Variants in CADPS2 observed in about 807,000 individuals in gnomAD.
CADPS2 encodes the protein calcium dependent secretion activator 2.
CADPS2 carries 93 observed loss-of-function variants against 172.5 expected under a neutral mutation model. The ratio of observed to expected loss-of-function variants is 0.54; its 90% confidence interval spans 0.46 to 0.64. The LOEUF is 0.64. Ranked by LOEUF, CADPS2 falls within the 30% of genes least tolerant of loss-of-function variation. The pLI is 0.00. For missense variants in CADPS2, 1,420 were observed against 1,565.9 expected (o/e 0.91, Z 1.57); for synonymous variants, 546 against 555.2 (o/e 0.98, Z 0.23).
At chr7:122,429,890 T>G (rs2049656535) in intron 17 of CADPS2, among the ~76,000 whole-genome samples, 1 of 152,178 alleles carries the variant, frequency 6.6e-6, no homozygotes, top group African/African-American at 2.4e-5. Context: ...GTTTTTTTTT[T>G]TAATAAACAC....
chr7:122,446,641 T>C (rs1324608536), intron 15 of CADPS2, among the ~76,000 whole-genome samples: 1 of 152,204 alleles, frequency 6.6e-6, no homozygotes, highest in African/African-American at 2.4e-5. Flanking sequence ...CTCACATATA[T>C]GAAATGATCA....
rs547066196 is a variant in CADPS2 at position 122,843,482 on chromosome 7, A to G, written c.339+42517T>C. 1.1e-4 allele frequency among the ~76,000 whole-genome samples: 17 copies of G among 152,314 alleles called. No individual in the cohort carries two copies. In the East Asian group the frequency reaches 2.9e-3, roughly 26 times the overall value. ...CTTTTGGCATGAGGGGATATTTGAA[A>G]CAAATAGTGAGATCACAACTTAAGA... On this transcript the variant is annotated intron_variant, in intron 1 of 29. Coordinates refer to ENST00000449022, the MANE Select transcript of CADPS2 (RefSeq NM_017954.11).
chr7:122,437,260 T>G (rs1263084445), intron 17 of CADPS2, among the ~76,000 whole-genome samples: 2 of 152,146 alleles, frequency 1.3e-5, no homozygotes, highest in African/African-American at 4.8e-5. Context: ...GGTTTCATGT[T>G]GTTACTCTCG....
chr7:122,633,179 G>T (rs2076741178), intron 3 of CADPS2, among the ~76,000 whole-genome samples: 2 of 151,938 alleles, frequency 1.3e-5, no homozygotes, highest in South Asian at 4.2e-4. Context: ...GCCTATTTGG[G>T]CTTTTAGGTT....
chr7:122,666,660 C>G (rs146817595), intron 2 of CADPS2, among the ~76,000 whole-genome samples: 66 of 152,212 alleles, frequency 4.3e-4, no homozygotes, highest in Admixed American at 1.0e-3. Flanking sequence ...CAATTTTAAG[C>G]AACATCGGTA....
In CADPS2 at chr7:122,387,070, T is replaced by G. The variant is rs1316733387; in HGVS notation, c.3268A>C (p.Lys1090Gln). Residue 1090 changes from lysine to glutamine, a missense_variant, in exon 24 of 30, where the codon AAA becomes CAA. By Grantham distance (53) the Lys-to-Gln change is moderately conservative. Transcript: ENST00000449022. The part of the protein sequence containing the change: ...CTMFNVLVDA[K>Q]KQSTKLCALD... ...GCACAGAGTTTGGTGCTTTGCTTTTTGGCATCGACTAATACATTAAACATA... is the reference window on the plus strand; with the variant it reads ...GCACAGAGTTTGGTGCTTTGCTTTTGGGCATCGACTAATACATTAAACATA... 3 of 1,560,598 alleles carry G rather than the reference T, an allele frequency of 1.9e-6. No homozygotes were observed. Among genetic ancestry groups the G allele is most frequent in the Non-Finnish European group, 2.6e-6 (3 of 1,150,598 alleles).
intron 2 of CADPS2, chr7:122,697,629 G>A (rs2085323194): frequency 3.4e-6 from 2 of 596,924 alleles, no homozygotes; most frequent in African/African-American, 1.9e-5. Context: ...ATCCCGCTAG[G>A]ACTTTTTTGC....
At chr7:122,781,140 TGTTAC>T (rs1792604745) in intron 1 of CADPS2, among the ~76,000 whole-genome samples, 2 of 152,230 alleles carry the variant, frequency 1.3e-5, no homozygotes, top group African/African-American at 4.8e-5. Context: ...TAACCTTTGT[TGTTAC>T]TTTAATTTGA....
chr7:122,575,402 G>A (rs552464547), intron 7 of CADPS2, among the ~76,000 whole-genome samples: 1 of 151,518 alleles, frequency 6.6e-6, no homozygotes. Context: ...GTGATGTAAG[G>A]AAATGTTCAA....
chr7:122,758,194 CT>C (rs2093243312), intron 1 of CADPS2, among the ~76,000 whole-genome samples: 1 of 152,106 alleles, frequency 6.6e-6, no homozygotes, highest in Admixed American at 6.6e-5. Flanking sequence ...ATTATAAGTT[CT>C]TTTTGCTGAA....
At chr7:122,774,008 G>A (rs2093786696) in intron 1 of CADPS2, among the ~76,000 whole-genome samples, 2 of 151,738 alleles carry the variant, frequency 1.3e-5, no homozygotes, top group South Asian at 2.1e-4. Flanking sequence ...TTTATTAATA[G>A]GCTACAAAAA....
At chr7:122,355,150 A>G (rs2039213263) in intron 27 of CADPS2, among the ~76,000 whole-genome samples, 2 of 152,354 alleles carry the variant, frequency 1.3e-5, no homozygotes, top group East Asian at 1.9e-4. Flanking sequence ...TAACTCATAC[A>G]TCTTCAACTG....
intron 2 of CADPS2, among the ~76,000 whole-genome samples, chr7:122,735,031 A>C (rs947561716): frequency 6.6e-6 from 1 of 152,154 alleles, no homozygotes; most frequent in African/African-American, 2.4e-5. Context: ...ACCAATTCTA[A>C]GAGAATCATC....
chr7:122,345,918 C>CTTTT (rs71159791), intron 27 of CADPS2, among the ~76,000 whole-genome samples: 1,902 of 138,714 alleles, frequency 0.014, 64 homozygotes, highest in African/African-American at 0.034. Flanking sequence ...CCGTAGATAT[C>CTTTT]TTTTTTTTTT....
At chr7:122,391,566 C>T (rs1287007513) in intron 22 of CADPS2, among the ~76,000 whole-genome samples, 1 of 151,920 alleles carries the variant, frequency 6.6e-6, no homozygotes, top group Admixed American at 6.6e-5. Context: ...AGTTTGTAGG[C>T]AATTTTCTGA....
At chr7:122,619,729 G>A (rs1045280491) in intron 5 of CADPS2, among the ~76,000 whole-genome samples, 2 of 152,156 alleles carry the variant, frequency 1.3e-5, no homozygotes, top group Non-Finnish European at 2.9e-5. Context: ...AGAAAAAGTT[G>A]ACGTTTTGTA....
intron 8 of CADPS2, among the ~76,000 whole-genome samples, chr7:122,532,382 T>C (rs545085840): frequency 6.6e-6 from 1 of 152,332 alleles, no homozygotes; most frequent in Admixed American, 6.5e-5. Context: ...ATTAATAAGC[T>C]AATTGATAAC....
chr7:122,691,542 G>A (rs546026115), intron 2 of CADPS2, among the ~76,000 whole-genome samples: 1 of 152,312 alleles, frequency 6.6e-6, no homozygotes, highest in East Asian at 1.9e-4. Flanking sequence ...CAGGCAAGGT[G>A]GGCATTGCCA....
In CADPS2 at chr7:122,663,482, T is replaced by C. The variant is rs41281722; in HGVS notation, c.541A>G (p.Ile181Val). ...NDFREVFKKN[I>V]EKRVRSLPEI... is the part of the protein sequence containing the mutation. ...GGCAAACTCCGCACACGTTTTTCTATGTTTTTCTTAAATACTTCTCTGAAG... is the reference window on the plus strand; with the variant it reads ...GGCAAACTCCGCACACGTTTTTCTACGTTTTTCTTAAATACTTCTCTGAAG... The change falls in exon 3 of 30, where the codon ATA becomes GTA. Residue 181 changes from isoleucine to valine, a missense_variant. Coordinates refer to ENST00000449022, the MANE Select transcript of CADPS2 (RefSeq NM_017954.11). The C allele has an allele frequency of 7.3e-4, 1,177 of 1,613,876 alleles. 1 individual carries two copies. Among genetic ancestry groups the C allele is most frequent in the Non-Finnish European group, 9.4e-4 (1,107 of 1,179,830 alleles).
Sources: allele counts gnomAD v4.1 joint callset (sites outside exome capture counted in the v4.1 genomes callset), GRCh38; gene constraint gnomAD v4.1.1; transcripts MANE v1.5; gene names NCBI Gene and HGNC (gene_info 2026-07-23, HGNC 2026-07-21).